AP4M1: variants seen among roughly 807,000 people sequenced by gnomAD.
The protein encoded by AP4M1 is adaptor related protein complex 4 subunit mu 1, also known as AP-4 complex subunit mu-1.
Under a neutral mutation model 62.4 loss-of-function variants are expected in AP4M1, and 58 were observed. That is an observed-to-expected ratio of 0.93 (90% CI 0.75 to 1.16). The LOEUF (loss-of-function observed/expected upper bound fraction) is 1.16. Among genes scored for constraint, AP4M1 ranks in the 50% most tolerant of loss-of-function variants. The probability of loss-of-function intolerance (pLI) is 0.00; values close to 1 mark genes in which losing one functional copy is unlikely to be tolerated. For missense variants in AP4M1, 626 were observed against 585.4 expected (o/e 1.07, Z -0.72); for synonymous variants, 290 against 239.7 (o/e 1.21, Z -1.94).
rs1463341372 is a variant in AP4M1, at chr7:100,103,435, C to T, written c.378C>T (p.Ser126=). 2.5e-6 allele frequency: 4 copies of T among 1,614,128 alleles called. No homozygotes were observed. The highest frequency in any genetic ancestry group is 3.4e-6 in the Non-Finnish European group (4 of 1,180,004). Residue 126 remains serine, a synonymous_variant, in exon 5 of 15, where the codon TCC becomes TCT. Transcript: ENST00000359593. Reference sequence around the variant, plus strand: ...ACTATGGCTATGTACAGACCACATCCACGGAGATGCTGAGGAATTTCATCC... The same window carrying T: ...ACTATGGCTATGTACAGACCACATCTACGGAGATGCTGAGGAATTTCATCC... ...VLDYGYVQTT[S]TEMLRNFIQT...
At chr7:100,101,640 G>A (rs1584503504), upstream of AP4M1, 5 of 1,443,440 alleles carry the variant, frequency 3.5e-6, no homozygotes, top group Admixed American at 1.7e-5. Flanking sequence ...GCGCACACGC[G>A]TTCTTTTGTT....
In AP4M1 at chr7:100,108,041, G is replaced by T; in HGVS notation, c.*1159G>T. On this transcript the variant is annotated 3_prime_UTR_variant, in exon 15 of 15. Coordinates refer to ENST00000359593, the MANE Select transcript of AP4M1 (RefSeq NM_004722.4). ...AGACACCAGTGTCTGGACAGGAAGTGCGATGGAGCCAGGAACCTTCAGCAA... is the reference window on the plus strand; with the variant it reads ...AGACACCAGTGTCTGGACAGGAAGTTCGATGGAGCCAGGAACCTTCAGCAA... 6.2e-7 allele frequency: 1 copy of T among 1,613,738 alleles called. No individual in the cohort carries two copies. The highest frequency in any genetic ancestry group is 1.1e-5 in the South Asian group (1 of 91,008).
Position 100,104,964 on chromosome 7 carries a change from A to G in AP4M1, c.673+24A>G, listed in dbSNP as rs1212789189. On this transcript the variant is annotated intron_variant, in intron 8 of 14. Coordinates refer to ENST00000359593, the MANE Select transcript of AP4M1 (RefSeq NM_004722.4). ...TGGTGAGGCATCTGCAGGCAGGACC[A>G]AGGGTTGGGGTTAGGGCGGGTTCCT... 8 of 1,614,028 alleles carry G rather than the reference A, an allele frequency of 5.0e-6. No homozygotes were observed. The South Asian group carries it at 6.6e-5, about 13-fold the overall frequency.
Position 100,106,035 on chromosome 7 carries a change from C to T in AP4M1, c.974+32C>T, listed in dbSNP as rs570833951. On this transcript the variant is annotated intron_variant, in intron 12 of 14. Coordinates refer to ENST00000359593, the MANE Select transcript of AP4M1 (RefSeq NM_004722.4). ...GTGAGGCTGGCCTGGCTGAGTTCAG[C>T]TCTATGGGACGGAAGACAGGGCCAG... is the stretch of plus-strand genomic sequence containing the variant. 85 of 1,613,156 alleles carry T rather than the reference C, an allele frequency of 5.3e-5. No individual in the cohort carries two copies. In the South Asian group the frequency reaches 9.2e-4, roughly 18 times the overall value.
At chr7:100,106,329 A>G in intron 13 of AP4M1, 38 bp downstream of exon 13, 1 of 1,613,478 alleles carries the variant, frequency 6.2e-7, no homozygotes, top group Non-Finnish European at 8.5e-7. Context: ...ATTCCTGGGG[A>G]GAGAGTGAGC....
chr7:100,108,141 AAG>A lies in AP4M1; in HGVS notation c.*1260_*1261del, dbSNP rs747570581. On this transcript the variant is annotated 3_prime_UTR_variant, in exon 15 of 15. Transcript: ENST00000359593. ...GGCCGGGGCTGCGGGGAGAAGAGGA[AAG>A]GGGGAAGTGGCACCATCTACTAAGA... The A allele has an allele frequency of 1.3e-6, 2 of 1,580,186 alleles. No homozygotes were observed. The highest frequency in any genetic ancestry group is 2.1e-4 in the Middle Eastern group (1 of 4,668).
chr7:100,106,119 G>C (rs1796451652), intron 12 of AP4M1, 116 bp downstream of exon 12: 1 of 1,545,078 alleles, frequency 6.5e-7, no homozygotes, highest in African/African-American at 1.4e-5. Context: ...AGTTAAGGTA[G>C]AGGCTGTAGA....
chr7:100,103,421 G>A lies in AP4M1; in HGVS notation c.364G>A (p.Val122Ile), dbSNP rs572732241. 7 of 1,614,008 alleles carry A rather than the reference G, an allele frequency of 4.3e-6. No homozygotes were observed. The East Asian group carries it at 8.9e-5, about 21-fold the overall frequency. ...LLDEVLDYGYVQTTSTEMLRN... is the reference protein window; with the variant it reads ...LLDEVLDYGYIQTTSTEMLRN... ...CCTTTACCACTAGGACTATGGCTAT[G>A]TACAGACCACATCCACGGAGATGCT... The change falls in exon 5 of 15, where the codon GTA becomes ATA. Residue 122 changes from valine (V) to isoleucine (I), a missense_variant. By Grantham distance (29) the Val-to-Ile change is conservative. Coordinates refer to ENST00000359593, the MANE Select transcript of AP4M1 (RefSeq NM_004722.4).
chr7:100,101,551 C>T (rs1365490110), upstream of AP4M1: 24 of 828,502 alleles, frequency 2.9e-5, no homozygotes, highest in Admixed American at 4.3e-4. Context: ...AAGGGAATCT[C>T]CGGGCGGGGT....
At chr7:100,100,814 C>T, upstream of AP4M1, 1 of 999,842 alleles carries the variant, frequency 1.0e-6, no homozygotes, top group Non-Finnish European at 1.2e-6. Context: ...GGAGGGCGGC[C>T]TCAAACGGCC....
chr7:100,105,754 C>G (rs1158020883), intron 11 of AP4M1, among the ~76,000 whole-genome samples: 1 of 151,472 alleles, frequency 6.6e-6, no homozygotes, highest in African/African-American at 2.4e-5. Flanking sequence ...CCAGACCAGC[C>G]TGGGCAACAT....
upstream of AP4M1, chr7:100,101,611 A>G: frequency 1.6e-6 from 2 of 1,228,496 alleles, no homozygotes; most frequent in Non-Finnish European, 2.4e-6. Flanking sequence ...GGCGGAGGAG[A>G]ATCGCTCTTA....
Position 100,108,403 on chromosome 7 carries a change from A to G in AP4M1, c.*1521A>G, listed in dbSNP as rs1291563484. The G allele has an allele frequency of 8.7e-6, 14 of 1,612,548 alleles. No individual in the cohort carries two copies. The highest frequency in any genetic ancestry group is 1.2e-5 in the Non-Finnish European group (14 of 1,178,858). ...TCAGAGTGGTCCTGTTGACCTGCTG[A>G]GCCTGCAGAGCAGCCTGGGCCCGAG... On this transcript the variant is annotated 3_prime_UTR_variant, in exon 15 of 15. Coordinates refer to ENST00000359593, the MANE Select transcript of AP4M1 (RefSeq NM_004722.4).
chr7:100,105,232 CTT>C lies in AP4M1; in HGVS notation c.728-6_728-5del. The C allele has an allele frequency of 6.2e-7, 1 of 1,613,780 alleles. No homozygotes were observed. The highest frequency in any genetic ancestry group is 8.5e-7 in the Non-Finnish European group (1 of 1,179,682). On this transcript the variant is annotated splice_region_variant and splice_polypyrimidine_tract_variant and intron_variant, in intron 9 of 14. Transcript: ENST00000359593. ...TCAGGAGAGAAGTCTCTCTCTCTCT[CTT>C]TCCAGGTTATGGGCCAGGAATCCGG...
At position 100,108,616 on chromosome 7, in the gene AP4M1, C is replaced by G; in HGVS notation, c.*1734C>G. 6.7e-7 allele frequency: 1 copy of G among 1,489,806 alleles called. No individual in the cohort carries two copies. The highest frequency in any genetic ancestry group is 2.3e-5 in the East Asian group (1 of 43,802). 92.3% of individuals were successfully genotyped at this position (1,489,806 alleles called of 1,614,324 possible). A position where few individuals can be genotyped will look rare whatever the true frequency, so the allele number is the denominator to read the frequency against. On this transcript the variant is annotated 3_prime_UTR_variant, in exon 15 of 15. Coordinates refer to ENST00000359593, the MANE Select transcript of AP4M1 (RefSeq NM_004722.4). ...AGGTAGAGGGAGGGCTGGTGACACT[C>G]TTGAGAAGAACCTTGGGGATGGGGT...
At chr7:100,103,936 C>T (rs527463978) in intron 6 of AP4M1, among the ~76,000 whole-genome samples, 156 bp from the exon 7 acceptor site, 1 of 152,070 alleles carries the variant, frequency 6.6e-6, no homozygotes, top group African/African-American at 2.4e-5. Flanking sequence ...CTCCCACCCC[C>T]CCAGATGTGG....
intron 13 of AP4M1, 27 bp downstream of exon 13, chr7:100,106,318 G>C: frequency 6.2e-7 from 1 of 1,613,828 alleles, no homozygotes; most frequent in African/African-American, 1.3e-5. Flanking sequence ...ACCACGGGGA[G>C]ATTCCTGGGG....
chr7:100,104,230 A>G (rs1340548242), intron 7 of AP4M1, 76 bp downstream of exon 7: 18 of 1,307,874 alleles, frequency 1.4e-5, no homozygotes, highest in East Asian at 2.3e-5. Context: ...TAAGACTCCC[A>G]GCAACGGCCG....
chr7:100,107,782 C>T lies in AP4M1; in HGVS notation c.*900C>T, dbSNP rs1796697627. 2.2e-6 allele frequency: 3 copies of T among 1,379,492 alleles called. No individual in the cohort carries two copies. The highest frequency in any genetic ancestry group is 2.5e-5 in the East Asian group (1 of 40,766). 85.5% of individuals were successfully genotyped at this position (1,379,492 alleles called of 1,614,324 possible). A position where few individuals can be genotyped will look rare whatever the true frequency, so the allele number is the denominator to read the frequency against. On this transcript the variant is annotated 3_prime_UTR_variant, in exon 15 of 15. Transcript: ENST00000359593. ...AGACCTTGTTCATGCAGGGCAGCTA[C>T]AGCCCTGCAGGACCCTGGTGGGCGC...
Sources: gnomAD v4.1 joint callset for allele counts (sites outside exome capture counted in the v4.1 genomes callset) on GRCh38, gnomAD v4.1.1 for gene constraint, MANE v1.5 for transcripts, NCBI Gene and HGNC (gene_info 2026-07-23, HGNC 2026-07-21) for gene names.